The following HSF5 variants were observed in gnomAD, a reference collection of about 807,000 sequenced individuals.
HSF5 encodes heat shock transcription factor 5, also known as heat shock factor protein 5.
In HSF5, 5 loss-of-function variants were observed where a neutral mutation model predicts 50.8. That is an observed-to-expected ratio of 0.10 (90% CI 0.05 to 0.21). HSF5 has a LOEUF of 0.21. HSF5 is among the 10% of genes least tolerant of loss of function. The pLI is 1.00. For missense variants in HSF5, 564 were observed against 762.6 expected, an observed-to-expected ratio of 0.74 and a Z score of 3.07; for synonymous variants, 307 against 307.4, an observed-to-expected ratio of 1.00 and a Z score of 0.02.
chr17:58,443,050 G>T (rs1410867511), intron 5 of HSF5, among the ~76,000 whole-genome samples: 1 of 152,036 alleles, frequency 6.6e-6, no homozygotes, highest in Non-Finnish European at 1.5e-5. Context: ...TGGGACTACA[G>T]GCGCCCACCA....
intron 2 of HSF5, among the ~76,000 whole-genome samples, chr17:58,471,800 G>A (rs1401371491): frequency 2.0e-5 from 3 of 151,926 alleles, no homozygotes; most frequent in African/African-American, 7.3e-5. Context: ...TACCTTGGGG[G>A]AAAGCATATA....
At chr17:58,468,864 T>C (rs887483218) in intron 2 of HSF5, among the ~76,000 whole-genome samples, 3 of 152,098 alleles carry the variant, frequency 2.0e-5, no homozygotes, top group South Asian at 2.1e-4. Context: ...TAAAAGGCCA[T>C]ATATTACTAA....
chr17:58,469,704 C>T (rs940906093), intron 2 of HSF5, among the ~76,000 whole-genome samples: 1 of 152,172 alleles, frequency 6.6e-6, no homozygotes, highest in Non-Finnish European at 1.5e-5. Flanking sequence ...CTTAGTTTAT[C>T]ACTATGTCCT....
At chr17:58,473,163 T>C (rs1974971667) in intron 2 of HSF5, among the ~76,000 whole-genome samples, 1 of 152,020 alleles carries the variant, frequency 6.6e-6, no homozygotes, top group Non-Finnish European at 1.5e-5. Flanking sequence ...ATCTTTAAAA[T>C]GAGGATAATT....
At position 58,472,994 on chromosome 17, in the gene HSF5, C is replaced by CA. The variant is rs200532330; in HGVS notation, c.926-6016dup. Among the ~76,000 whole-genome samples the CA allele has an allele frequency of 3.5e-3, 529 of 151,990 alleles. 2 individuals are homozygous for CA. Among genetic ancestry groups the CA allele is most frequent in the African/African-American group, 0.012 (508 of 41,430 alleles). ...GAGATATACCAGAAAAAAATTATCT[C>CA]AAAAAAACAAAGCAAAAAACAAAAG... On this transcript the variant is annotated intron_variant, in intron 2 of 5. Transcript: ENST00000323777.
chr17:58,473,345 G>C (rs1225374543), intron 2 of HSF5, among the ~76,000 whole-genome samples: 2 of 151,970 alleles, frequency 1.3e-5, no homozygotes, highest in Admixed American at 6.6e-5. Context: ...TTGAAAAAAA[G>C]GCAAAGTTGA....
intron 2 of HSF5, 101 bp downstream of exon 2, chr17:58,479,792 T>C (rs1975072979): frequency 9.8e-7 from 1 of 1,023,002 alleles, no homozygotes; most frequent in East Asian, 2.5e-5. Context: ...TTCCTACTGT[T>C]TGTGTTAAAG....
chr17:58,467,387 TA>T (rs1974881995), intron 2 of HSF5, among the ~76,000 whole-genome samples: 1 of 152,184 alleles, frequency 6.6e-6, no homozygotes. Context: ...AAGAGTAAAA[TA>T]ACTATGAAGT....
Position 58,487,978 on chromosome 17 carries a change from GC to G in HSF5, c.296del (p.Gly99AlafsTer90). ...FRKVVLGGPG[G>X]GKPAGNGPLH... ...GCGGCCCATTGCCTGCCGGTTTGCCGCCCCCCGGCCCGCCCAGCACCACCTT... is the reference window on the plus strand; with the variant it reads ...GCGGCCCATTGCCTGCCGGTTTGCCGCCCCCGGCCCGCCCAGCACCACCTT... On this transcript the variant is annotated frameshift_variant, in exon 1 of 6. Coordinates refer to ENST00000323777, the MANE Select transcript of HSF5 (RefSeq NM_001080439.3). LOFTEE classifies it high-confidence loss of function. 4 of 1,610,704 alleles carry G rather than the reference GC, an allele frequency of 2.5e-6. No homozygotes were observed. The highest frequency in any genetic ancestry group is 2.2e-5 in the East Asian group (1 of 44,744).
At chr17:58,460,837 T>C (rs965757182) in intron 4 of HSF5, among the ~76,000 whole-genome samples, 3 of 151,574 alleles carry the variant, frequency 2.0e-5, no homozygotes, top group Non-Finnish European at 4.4e-5. Context: ...AAAAAGTTAC[T>C]GTGTACAAGT....
At chr17:58,429,456 C>G (rs1974336439) in intron 5 of HSF5, among the ~76,000 whole-genome samples, 1 of 152,164 alleles carries the variant, frequency 6.6e-6, no homozygotes, top group Non-Finnish European at 1.5e-5. Flanking sequence ...ATTGCTTGAG[C>G]CCAGCAGGCA....
At chr17:58,449,430 T>C (rs924231679) in intron 5 of HSF5, among the ~76,000 whole-genome samples, 1 of 152,362 alleles carries the variant, frequency 6.6e-6, no homozygotes, top group Non-Finnish European at 1.5e-5. Context: ...CCGGGCACAG[T>C]GGCTCATGCC....
intron 5 of HSF5, among the ~76,000 whole-genome samples, chr17:58,453,918 G>A (rs1484768771): frequency 2.0e-5 from 3 of 151,818 alleles, no homozygotes; most frequent in Admixed American, 6.6e-5. Context: ...GAGAAACCGC[G>A]TCTCTTCTAA....
At chr17:58,433,534 G>C (rs1040725126) in intron 5 of HSF5, among the ~76,000 whole-genome samples, 2 of 152,114 alleles carry the variant, frequency 1.3e-5, no homozygotes, top group Non-Finnish European at 2.9e-5. Flanking sequence ...AAAGAATTGA[G>C]CTCTGGGGTT....
At chr17:58,427,473 A>G (rs1357024666) in intron 5 of HSF5, among the ~76,000 whole-genome samples, 3 of 152,204 alleles carry the variant, frequency 2.0e-5, no homozygotes, top group Non-Finnish European at 2.9e-5. Context: ...TGTCAGAATT[A>G]TAGCATTTCA....
Position 58,422,185 on chromosome 17 carries a change from C to G in HSF5, c.*175G>C, listed in dbSNP as rs1356215127. The G allele has an allele frequency of 1.4e-5, 8 of 560,844 alleles. No homozygotes were observed. The highest frequency in any genetic ancestry group is 6.5e-5 in the Admixed American group (2 of 30,542). The allele number at this position is 560,844 out of a possible 1,614,324, so 34.7% of individuals were successfully genotyped here. A position where few individuals can be genotyped will look rare whatever the true frequency, so the allele number is the denominator to read the frequency against. On this transcript the variant is annotated 3_prime_UTR_variant, in exon 6 of 6. Transcript: ENST00000323777. ...GTCAAGGCAGATAATCTGAACTGAA[C>G]CACTGTAGTACATACAAATTCCCAA...
intron 4 of HSF5, among the ~76,000 whole-genome samples, chr17:58,459,931 C>T (rs1974768540): frequency 6.6e-6 from 1 of 152,184 alleles, no homozygotes; most frequent in Non-Finnish European, 1.5e-5. Flanking sequence ...CTTTATTCTA[C>T]TAATTTTGTA....
chr17:58,462,034 ACTCCCG>A (rs1470091556), intron 4 of HSF5, among the ~76,000 whole-genome samples: 1 of 151,486 alleles, frequency 6.6e-6, no homozygotes, highest in Non-Finnish European at 1.5e-5. Context: ...TCCCCCTCCC[ACTCCCG>A]CATCCTTCCA....
chr17:58,420,814 T>A lies in HSF5; in HGVS notation c.*1546A>T, dbSNP rs1419398689. 6.6e-6 allele frequency: 1 copy of A among 152,248 alleles called. No individual in the cohort carries two copies. The highest frequency in any genetic ancestry group is 2.4e-5 in the African/African-American group (1 of 41,454). The allele number at this position is 152,248 out of a possible 1,614,324, so 9.4% of individuals were successfully genotyped here. On this transcript the variant is annotated 3_prime_UTR_variant, in exon 6 of 6. Transcript: ENST00000323777. The stretch of plus-strand genomic sequence containing the variant: ...GGTCGCTTTTCAGAACCTACTTTAA[T>A]ATCTAAACAGAGTCACTGCAGATCA...
Sources: allele counts gnomAD v4.1 joint callset (sites outside exome capture counted in the v4.1 genomes callset), GRCh38; gene constraint gnomAD v4.1.1; transcripts MANE v1.5; gene names NCBI Gene and HGNC (gene_info 2026-07-23, HGNC 2026-07-21).